CCNB1: variants seen among roughly 807,000 people sequenced by gnomAD.
CCNB1 encodes the protein G2/mitotic-specific cyclin-B1.
CCNB1 carries 26 observed loss-of-function variants against 44.4 expected under a neutral mutation model. That is an observed-to-expected ratio of 0.59 (90% CI 0.43 to 0.81). The LOEUF (loss-of-function observed/expected upper bound fraction) is 0.81. Among genes scored for constraint, CCNB1 ranks in the 40% least tolerant of loss-of-function variants. CCNB1 has a pLI of 0.00. For missense variants in CCNB1, 477 were observed against 520.9 expected, an observed-to-expected ratio of 0.92 and a Z score of 0.82; for synonymous variants, 195 against 181.4, an observed-to-expected ratio of 1.08 and a Z score of -0.60.
At chr5:69,171,164 G>A (rs947310590) in intron 3 of CCNB1, 106 bp from the exon 4 acceptor site, 11 of 707,796 alleles carry the variant, frequency 1.6e-5, no homozygotes, top group Middle Eastern at 2.6e-4. Flanking sequence ...ATTGTATGCC[G>A]ATTCAGCAGA....
At chr5:69,170,203 G>A (rs924223782) in intron 3 of CCNB1, among the ~76,000 whole-genome samples, 12 of 151,346 alleles carry the variant, frequency 7.9e-5, no homozygotes, top group Admixed American at 2.6e-4. Flanking sequence ...GGCTGGTCTC[G>A]AACTCCTGAC....
At chr5:69,168,622 G>C (rs1747393177) in intron 3 of CCNB1, among the ~76,000 whole-genome samples, 3 of 152,312 alleles carry the variant, frequency 2.0e-5, no homozygotes, top group South Asian at 4.1e-4. Flanking sequence ...AGCTCAGGCT[G>C]TCTGGCTTCA....
At position 69,167,206 on chromosome 5, in the gene CCNB1, C is replaced by T. The variant is rs560939158; in HGVS notation, c.-57C>T. 70 of 1,496,666 alleles carry T rather than the reference C, an allele frequency of 4.7e-5. No individual in the cohort carries two copies. In the Admixed American group the frequency reaches 8.9e-4, roughly 19 times the overall value. 92.7% of individuals were successfully genotyped at this position (1,496,666 alleles called of 1,614,324 possible). A position where few individuals can be genotyped will look rare whatever the true frequency, so the allele number is the denominator to read the frequency against. ...TGCTGGGTGTAGGTCCTTGGCTGGT[C>T]GGGCCTCCGGTGTTCTGCTTCTCCC... is the stretch of plus-strand genomic sequence containing the variant. On this transcript the variant is annotated 5_prime_UTR_variant, in exon 1 of 9. Coordinates refer to ENST00000256442, the MANE Select transcript of CCNB1 (RefSeq NM_031966.4).
intron 7 of CCNB1, among the ~76,000 whole-genome samples, chr5:69,176,694 T>G (rs1284413215): frequency 6.6e-6 from 1 of 150,670 alleles, no homozygotes; most frequent in African/African-American, 2.4e-5. Flanking sequence ...AGAATAGAAC[T>G]ATGTAGCTGG....
rs754660428 is a variant in CCNB1 at position 69,168,360 on chromosome 5, C to T, written c.363+17C>T. 1 of 1,613,660 alleles carries T rather than the reference C, an allele frequency of 6.2e-7. No homozygotes were observed. Among genetic ancestry groups the T allele is most frequent in the South Asian group, 1.1e-5 (1 of 91,024 alleles). ...CCTATTTTGGTAAACTTATTCTTAC[C>T]ATTGTAGAGTCTGTTGATTATTTCT... On this transcript the variant is annotated intron_variant, in intron 3 of 8. Coordinates refer to ENST00000256442, the MANE Select transcript of CCNB1 (RefSeq NM_031966.4).
At chr5:69,170,096 TG>T (rs1307745210) in intron 3 of CCNB1, among the ~76,000 whole-genome samples, 1 of 152,080 alleles carries the variant, frequency 6.6e-6, no homozygotes, top group East Asian at 1.9e-4. Flanking sequence ...CCTGAGTAGC[TG>T]GGATTACAGG....
At chr5:69,174,008 A>G (rs1019356964) in intron 4 of CCNB1, among the ~76,000 whole-genome samples, 12 of 152,138 alleles carry the variant, frequency 7.9e-5, no homozygotes, top group African/African-American at 2.9e-4. Context: ...GCTGCAAGCA[A>G]TCTGCCAACT....
intron 6 of CCNB1, 103 bp from the exon 7 acceptor site, chr5:69,175,294 G>T: frequency 8.5e-7 from 1 of 1,170,230 alleles, no homozygotes; most frequent in Non-Finnish European, 1.2e-6. Flanking sequence ...GCATTTGAGA[G>T]TTTGTAGACA....
Position 69,175,400 on chromosome 5 carries a change from G to T in CCNB1, c.946G>T (p.Asp316Tyr). 6.2e-7 allele frequency: 1 copy of T among 1,612,942 alleles called. No individual in the cohort carries two copies. Among genetic ancestry groups the T allele is most frequent in the South Asian group, 1.1e-5 (1 of 90,554 alleles). The change falls in exon 7 of 9, where the codon GAT becomes TAT. Residue 316 changes from aspartate (D) to tyrosine (Y), a missense_variant. Coordinates refer to ENST00000256442, the MANE Select transcript of CCNB1 (RefSeq NM_031966.4). The stretch of plus-strand genomic sequence containing the variant: ...AGTAACATGGGTTTTGTTTCAGGTT[G>T]ATGTCGAGCAACATACTTTGGCCAA... Reference protein sequence around the residue: ...LRRASKIGEVDVEQHTLAKYL... With the variant: ...LRRASKIGEVYVEQHTLAKYL...
chr5:69,173,838 C>T (rs1201655548), intron 4 of CCNB1, among the ~76,000 whole-genome samples: 2 of 151,816 alleles, frequency 1.3e-5, no homozygotes, highest in Non-Finnish European at 2.9e-5. Flanking sequence ...GGTGCAATCT[C>T]GGCTCCCTGC....
chr5:69,177,311 AATGTAGTC>A lies in CCNB1; in HGVS notation c.1160_1167del (p.Val387GlyfsTer22). On this transcript the variant is annotated frameshift_variant, in exon 8 of 9. Transcript: ENST00000256442. LOFTEE classifies it high-confidence loss of function. ...TCCAGTTATGCAGCACCTGGCTAAG[AATGTAGTC>A]ATGGTAAATCAAGGACTTACAAAGC... is the stretch of plus-strand genomic sequence containing the variant. 1 of 1,612,854 alleles carries A rather than the reference AATGTAGTC, an allele frequency of 6.2e-7. No homozygotes were observed. Among genetic ancestry groups the A allele is most frequent in the Non-Finnish European group, 8.5e-7 (1 of 1,178,808 alleles).
At chr5:69,177,172 A>G in intron 7 of CCNB1, 67 bp from the exon 8 acceptor site, 1 of 870,784 alleles carries the variant, frequency 1.1e-6, no homozygotes, top group South Asian at 1.5e-5. Flanking sequence ...AATAACATCT[A>G]ACATCTAGAA....
At chr5:69,168,927 T>A (rs1169901069) in intron 3 of CCNB1, among the ~76,000 whole-genome samples, 3 of 152,150 alleles carry the variant, frequency 2.0e-5, no homozygotes, top group Admixed American at 6.5e-5. Flanking sequence ...TTATTAAATA[T>A]AAGGTATGTA....
intron 4 of CCNB1, among the ~76,000 whole-genome samples, chr5:69,172,509 G>A (rs1262726915): frequency 2.0e-5 from 3 of 152,054 alleles, no homozygotes; most frequent in East Asian, 1.9e-4. Flanking sequence ...TACCCATCCC[G>A]GCCTCCCAAA....
intron 4 of CCNB1, among the ~76,000 whole-genome samples, chr5:69,171,970 C>G (rs1747468707): frequency 6.6e-6 from 1 of 152,040 alleles, no homozygotes; most frequent in South Asian, 2.1e-4. Flanking sequence ...TTGAAACTTT[C>G]TATTAATGGC....
chr5:69,171,562 G>A (rs934543969), intron 4 of CCNB1, 110 bp downstream of exon 4: 17 of 719,302 alleles, frequency 2.4e-5, no homozygotes, highest in Non-Finnish European at 3.5e-5. Context: ...TTTCTTAAGA[G>A]ATCGCACTTT....
intron 3 of CCNB1, 100 bp downstream of exon 3, chr5:69,168,443 C>T (rs1302651478): frequency 7.2e-7 from 1 of 1,390,448 alleles, no homozygotes; most frequent in East Asian, 2.3e-5. Flanking sequence ...ATATTAATAC[C>T]ATTTATTGAG....
In CCNB1 at chr5:69,168,231, A is replaced by G; in HGVS notation, c.251A>G (p.Glu84Gly). The G allele has an allele frequency of 1.2e-6, 2 of 1,614,218 alleles. No homozygotes were observed. Among genetic ancestry groups the G allele is most frequent in the African/African-American group, 1.3e-5 (1 of 75,068 alleles). Residue 84 changes from glutamate (E) to glycine (G), a missense_variant, in exon 3 of 9, where the codon GAA becomes GGA. Coordinates refer to ENST00000256442, the MANE Select transcript of CCNB1 (RefSeq NM_031966.4). ...GATAAAAAACTACCAAAACCTCTTG[A>G]AAAGGTACCTATGCTGGTGCCAGTG... ...VIDKKLPKPL[E>G]KVPMLVPVPV... is the part of the protein sequence containing the mutation.
chr5:69,167,395 G>A (rs989288339), intron 1 of CCNB1, 112 bp downstream of exon 1: 1 of 1,272,516 alleles, frequency 7.9e-7, no homozygotes, highest in East Asian at 2.4e-5. Context: ...GCGATTTGGG[G>A]AGGAAGGTGG....
Sources: gnomAD v4.1 joint callset for allele counts (sites outside exome capture counted in the v4.1 genomes callset) on GRCh38, gnomAD v4.1.1 for gene constraint, MANE v1.5 for transcripts, NCBI Gene and HGNC (gene_info 2026-07-23, HGNC 2026-07-21) for gene names.